Variants in NR3C2 observed in about 807,000 individuals in gnomAD.
NR3C2 encodes the protein nuclear receptor subfamily 3 group C member 2, also known as mineralocorticoid receptor.
In NR3C2, 15 loss-of-function variants were observed where a neutral mutation model predicts 86.4. The ratio of observed to expected loss-of-function variants is 0.17; its 90% CI spans 0.12 to 0.27. The LOEUF is 0.27. NR3C2 is among the 10% of genes least tolerant of loss of function. NR3C2 has a pLI of 1.00. For synonymous variants in NR3C2, 458 were observed against 450.5 expected, an observed-to-expected ratio of 1.02 and a Z score of -0.21; for missense variants, 960 against 1,195.6, an observed-to-expected ratio of 0.80 and a Z score of 2.91.
chr4:148,092,763 G>A (rs1001176624), intron 8 of NR3C2, among the ~76,000 whole-genome samples: 11 of 152,062 alleles, frequency 7.2e-5, no homozygotes, highest in Non-Finnish European at 1.6e-4. Context: ...GACTCCATCC[G>A]CGTGCCATGC....
intron 2 of NR3C2, among the ~76,000 whole-genome samples, chr4:148,261,405 TGCTATGGTGCGCTATGGTAAGC>T (rs1561006223): frequency 6.9e-6 from 1 of 145,292 alleles, no homozygotes; most frequent in African/African-American, 2.6e-5. Context: ...CTATGGTCAG[TGCTATGGTGCGCTATGGTAAGC>T]GCTATGGTGC....
intron 2 of NR3C2, among the ~76,000 whole-genome samples, chr4:148,430,579 G>A (rs1210261068): frequency 6.6e-6 from 1 of 151,990 alleles, no homozygotes; most frequent in Non-Finnish European, 1.5e-5. Context: ...AATATTATGA[G>A]ACAAATAATA....
Position 148,315,036 on chromosome 4 carries a change from T to C in NR3C2, c.1758-54919A>G, listed in dbSNP as rs72655290. Among the ~76,000 whole-genome samples, 635 of 152,292 alleles carry C rather than the reference T, an allele frequency of 4.2e-3. 3 individuals carry two copies. The highest frequency in any genetic ancestry group is 0.014 in the Middle Eastern group (4 of 294). The stretch of plus-strand genomic sequence containing the variant: ...GCAAATAGAAGTCTCAAATAACCAG[T>C]GTTTTGACAGTATCAAAGATGTTAT... On this transcript the variant is annotated intron_variant, in intron 2 of 8. Transcript: ENST00000358102.
At chr4:148,289,008 A>G (rs1304588944) in intron 2 of NR3C2, among the ~76,000 whole-genome samples, 2 of 152,202 alleles carry the variant, frequency 1.3e-5, no homozygotes, top group African/African-American at 4.8e-5. Flanking sequence ...GGAATCCAGT[A>G]TATTAAAAGA....
At chr4:148,360,759 C>T (rs1025709365) in intron 2 of NR3C2, among the ~76,000 whole-genome samples, 3 of 151,966 alleles carry the variant, frequency 2.0e-5, no homozygotes, top group Non-Finnish European at 4.4e-5. Context: ...TCTGTAAATC[C>T]TATATGCCAG....
chr4:148,119,136 T>A (rs569200509), intron 7 of NR3C2, among the ~76,000 whole-genome samples: 42 of 152,334 alleles, frequency 2.8e-4, no homozygotes, highest in Non-Finnish European at 5.3e-4. Flanking sequence ...GGACATTGAA[T>A]ATTTTGGTCT....
At chr4:148,188,631 A>AG (rs1294370174) in intron 4 of NR3C2, among the ~76,000 whole-genome samples, 2 of 152,042 alleles carry the variant, frequency 1.3e-5, no homozygotes, top group South Asian at 2.1e-4. Flanking sequence ...GGAGGTTTCT[A>AG]GGGGGGTCCT....
chr4:148,149,536 G>A (rs1015209040), intron 6 of NR3C2, among the ~76,000 whole-genome samples: 1 of 152,026 alleles, frequency 6.6e-6, no homozygotes, highest in Non-Finnish European at 1.5e-5. Context: ...CCAAAGAAAA[G>A]GCAACAAAAG....
chr4:148,174,046 A>T (rs1403087366), intron 4 of NR3C2, among the ~76,000 whole-genome samples: 1 of 152,206 alleles, frequency 6.6e-6, no homozygotes, highest in Non-Finnish European at 1.5e-5. Context: ...ATGTTCAGTC[A>T]TAGAATCCCA....
At chr4:148,397,309 C>T (rs1747910390) in intron 2 of NR3C2, among the ~76,000 whole-genome samples, 1 of 152,248 alleles carries the variant, frequency 6.6e-6, no homozygotes, top group South Asian at 2.1e-4. Context: ...TTCATCTTGA[C>T]TGTCCTTTCA....
chr4:148,109,775 G>A (rs1358130405), intron 8 of NR3C2, among the ~76,000 whole-genome samples: 1 of 152,112 alleles, frequency 6.6e-6, no homozygotes, highest in East Asian at 1.9e-4. Context: ...TAGGCAGGAG[G>A]CACATTTTTA....
chr4:148,114,636 G>A (rs1294698593), intron 7 of NR3C2, among the ~76,000 whole-genome samples: 1 of 152,210 alleles, frequency 6.6e-6, no homozygotes, highest in East Asian at 1.9e-4. Context: ...AGGTCTGTCT[G>A]TTTCCAAAGC....
chr4:148,155,615 T>TACAA (rs1451935648), intron 4 of NR3C2, among the ~76,000 whole-genome samples: 3 of 151,688 alleles, frequency 2.0e-5, no homozygotes, highest in African/African-American at 2.4e-5. Flanking sequence ...AATAAGAGGA[T>TACAA]ACAAACAAAT....
intron 2 of NR3C2, among the ~76,000 whole-genome samples, chr4:148,299,662 C>A (rs561293598): frequency 2.6e-5 from 4 of 152,244 alleles, no homozygotes; most frequent in Non-Finnish European, 5.9e-5. Flanking sequence ...GAAGAAACGG[C>A]AATTAGAAGT....
intron 2 of NR3C2, among the ~76,000 whole-genome samples, chr4:148,291,595 C>T (rs1321568842): frequency 6.6e-6 from 1 of 151,992 alleles, no homozygotes; most frequent in Non-Finnish European, 1.5e-5. Flanking sequence ...AGAGATTCTG[C>T]TTGTATTCTT....
chr4:148,296,662 C>A (rs61760330), intron 2 of NR3C2, among the ~76,000 whole-genome samples: 1 of 151,228 alleles, frequency 6.6e-6, no homozygotes, highest in South Asian at 2.1e-4. Flanking sequence ...GACAGGGGAA[C>A]TGAATCAGCT....
intron 2 of NR3C2, among the ~76,000 whole-genome samples, chr4:148,371,969 T>C (rs1367760221): frequency 6.6e-6 from 1 of 152,190 alleles, no homozygotes; most frequent in African/African-American, 2.4e-5. Flanking sequence ...AAATATCTGT[T>C]ACTATCATAT....
chr4:148,156,097 A>T (rs1354905542), intron 4 of NR3C2, among the ~76,000 whole-genome samples: 1 of 152,166 alleles, frequency 6.6e-6, no homozygotes, highest in Non-Finnish European at 1.5e-5. Flanking sequence ...CTTACACCTT[A>T]TACAAAAATT....
At chr4:148,432,266 C>T (rs1444970442) in intron 2 of NR3C2, among the ~76,000 whole-genome samples, 5 of 152,022 alleles carry the variant, frequency 3.3e-5, no homozygotes, top group Non-Finnish European at 7.4e-5. Context: ...AAAATCTCAT[C>T]TCATATAGAT....
Sources: allele counts gnomAD v4.1 joint callset (sites outside exome capture counted in the v4.1 genomes callset), GRCh38; gene constraint gnomAD v4.1.1; transcripts MANE v1.5; gene names NCBI Gene and HGNC (gene_info 2026-07-23, HGNC 2026-07-21).